The following ZNF649 variants were observed in gnomAD, a reference collection of about 807,000 sequenced individuals.
ZNF649 encodes zinc finger protein 649.
ZNF649 carries 7 observed loss-of-function variants against 14.1 expected under a neutral mutation model. The observed-to-expected ratio is 0.49, with a 90% confidence interval of 0.28 to 0.93. The LOEUF is 0.93. ZNF649 is among the 40% of genes least tolerant of loss of function. The pLI is 0.10. For missense variants in ZNF649, 544 were observed against 608.1 expected, an observed-to-expected ratio of 0.89 and a Z score of 1.11; for synonymous variants, 227 against 212.3, an observed-to-expected ratio of 1.07 and a Z score of -0.60.
chr19:51,895,407 G>A (rs535319986), intron 4 of ZNF649, among the ~76,000 whole-genome samples: 34 of 152,048 alleles, frequency 2.2e-4, no homozygotes, highest in African/African-American at 7.0e-4. Flanking sequence ...GAAATGGCGC[G>A]ATCTCAGCTC....
chr19:51,890,909 T>C lies in ZNF649; in HGVS notation c.1227A>G (p.Lys409=). ...EKPYKCSDCG[K]AFLTKTMLIV... is the part of the protein sequence containing the mutation. The stretch of plus-strand genomic sequence containing the variant: ...TGAGCATTGTCTTTGTAAGGAAGGC[T>C]TTCCCACAGTCACTGCATTTATAGG... The change falls in exon 5 of 5, where the codon AAA becomes AAG. Residue 409 remains lysine (K), a synonymous_variant. Transcript: ENST00000354957. The C allele has an allele frequency of 1.2e-6, 2 of 1,614,216 alleles. No individual in the cohort carries two copies. Among genetic ancestry groups the C allele is most frequent in the South Asian group, 2.2e-5 (2 of 91,078 alleles).
intron 2 of ZNF649, among the ~76,000 whole-genome samples, chr19:51,898,239 A>G (rs1156333706): frequency 1.3e-5 from 2 of 152,140 alleles, no homozygotes; most frequent in African/African-American, 2.4e-5. Context: ...GAGGGTTATC[A>G]TCAGACTCTG....
At chr19:51,902,000 A>C (rs976022439) in intron 1 of ZNF649, among the ~76,000 whole-genome samples, 15 of 151,840 alleles carry the variant, frequency 9.9e-5, no homozygotes, top group Non-Finnish European at 1.9e-4. Flanking sequence ...AATAATAAAA[A>C]TAAAAGAGGC....
At chr19:51,892,291 G>A (rs897506439) in intron 4 of ZNF649, among the ~76,000 whole-genome samples, 14 of 151,468 alleles carry the variant, frequency 9.2e-5, no homozygotes, top group African/African-American at 2.7e-4. Context: ...CAGGAAAATC[G>A]CTTGAACCTG....
In ZNF649 at chr19:51,891,105, TTC is replaced by T; in HGVS notation, c.1029_1030del (p.Lys344ThrfsTer6). On this transcript the variant is annotated frameshift_variant, in exon 5 of 5. Transcript: ENST00000354957. LOFTEE classifies it low-confidence loss of function (END_TRUNC). The surrounding 1 kb of genome is among the most constrained non-coding windows in gnomAD (Gnocchi z 4.2). ...GCCACAGTCAATGCATCCATAAGGT[TTC>T]TCTCCAGTGTGAGTTCGTTGATGTA... 1.2e-6 allele frequency: 2 copies of T among 1,614,194 alleles called. No homozygotes were observed. Among genetic ancestry groups the T allele is most frequent in the Non-Finnish European group, 1.7e-6 (2 of 1,180,032 alleles).
At chr19:51,897,333 G>A (rs1481688282) in intron 2 of ZNF649, 1 of 186,694 alleles carries the variant, frequency 5.4e-6, no homozygotes, top group Non-Finnish European at 1.1e-5. Context: ...CAAAGTCATA[G>A]TAAAATATTC....
chr19:51,896,953 G>A lies in ZNF649; in HGVS notation c.41C>T (p.Ala14Val). The A allele has an allele frequency of 6.2e-7, 1 of 1,614,214 alleles. No homozygotes were observed. The highest frequency in any genetic ancestry group is 8.5e-7 in the Non-Finnish European group (1 of 1,180,040). The change falls in exon 3 of 5, where the codon GCT becomes GTT. Residue 14 changes from alanine (A) to valine (V), a missense_variant. Transcript: ENST00000354957. ...CCACTCCTCCCAGGTGAAGTCCACA[G>A]CCACATCCTCCAGGGTCAGTGATTC... ...AQESLTLEDV[A>V]VDFTWEEWQF...
Position 51,890,151 on chromosome 19 carries a change from C to T in ZNF649, c.*467G>A, listed in dbSNP as rs2085008620. On this transcript the variant is annotated 3_prime_UTR_variant, in exon 5 of 5. Transcript: ENST00000354957. ...GATGGGATTAATGACAGATTAAACA[C>T]TGTGGAAAAAAGATTAGTGAACTGA... 1 of 154,650 alleles carries T rather than the reference C, an allele frequency of 6.5e-6. No homozygotes were observed. Among genetic ancestry groups the T allele is most frequent in the African/African-American group, 2.4e-5 (1 of 41,332 alleles). 9.6% of individuals were successfully genotyped at this position (154,650 alleles called of 1,614,324 possible).
chr19:51,892,921 G>A (rs1195167710), intron 4 of ZNF649, among the ~76,000 whole-genome samples: 1 of 152,064 alleles, frequency 6.6e-6, no homozygotes, highest in Non-Finnish European at 1.5e-5. Flanking sequence ...AGTGTTTTTT[G>A]TTTTGTTTTG....
chr19:51,897,006 G>A (rs774806741), intron 2 of ZNF649, 28 bp from the exon 3 acceptor site: 1 of 1,613,174 alleles, frequency 6.2e-7, no homozygotes, highest in Non-Finnish European at 8.5e-7. Context: ...TGCTTAATAT[G>A]TTTCTCTTTT....
intron 2 of ZNF649, among the ~76,000 whole-genome samples, chr19:51,899,619 C>T (rs541200895): frequency 6.6e-6 from 1 of 152,084 alleles, no homozygotes; most frequent in South Asian, 2.1e-4. Flanking sequence ...GAAACAGTCA[C>T]ACAAAACTTG....
In ZNF649 at chr19:51,890,886, A is replaced by T; in HGVS notation, c.1250T>A (p.Leu417His). 1 of 1,614,220 alleles carries T rather than the reference A, an allele frequency of 6.2e-7. No homozygotes were observed. The highest frequency in any genetic ancestry group is 2.2e-5 in the East Asian group (1 of 44,890). The change falls in exon 5 of 5, where the codon CTC (leucine) becomes CAC (histidine). Residue 417 changes from leucine to histidine, a missense_variant. Coordinates refer to ENST00000354957, the MANE Select transcript of ZNF649 (RefSeq NM_023074.4). ...CGTGTGAGTTCTGTGATGTACAATG[A>T]GCATTGTCTTTGTAAGGAAGGCTTT... ...CGKAFLTKTMLIVHHRTHTGE... is the reference protein window; with the variant it reads ...CGKAFLTKTMHIVHHRTHTGE...
At chr19:51,894,604 A>G (rs1172495608) in intron 4 of ZNF649, among the ~76,000 whole-genome samples, 1 of 152,220 alleles carries the variant, frequency 6.6e-6, no homozygotes, top group African/African-American at 2.4e-5. Context: ...CATTTCTTCT[A>G]AAGTCCTACA....
chr19:51,897,760 A>T (rs1338056652), intron 2 of ZNF649, among the ~76,000 whole-genome samples: 1 of 152,234 alleles, frequency 6.6e-6, no homozygotes, highest in Non-Finnish European at 1.5e-5. Flanking sequence ...TAGGAAAAAA[A>T]GTATACAGAG....
Position 51,891,256 on chromosome 19 carries a change from C to T in ZNF649, c.880G>A (p.Glu294Lys), listed in dbSNP as rs765105999. 88 of 1,614,128 alleles carry T rather than the reference C, an allele frequency of 5.5e-5. No homozygotes were observed. The highest frequency in any genetic ancestry group is 6.7e-5 in the Non-Finnish European group (79 of 1,180,052). ...HTGIKPHQCS[E>K]CGRAFSRKSL... ...TTTCTGGAGAAAGCTCTCCCACATT[C>T]GCTGCATTGATGGGGCTTAATTCCC... The change falls in exon 5 of 5, where the codon GAA becomes AAA. Residue 294 changes from glutamate (E) to lysine (K), a missense_variant. Glu to Lys is a moderately conservative substitution (Grantham distance 56). Transcript: ENST00000354957. This position sits in a 1 kb window ranked among gnomAD's most constrained non-coding sequence, Gnocchi z 4.2.
At position 51,902,705 on chromosome 19, in the gene ZNF649, A is replaced by C. The variant is rs78563255; in HGVS notation, c.-188+2209T>G. Among the ~76,000 whole-genome samples, 902 of 152,340 alleles carry C rather than the reference A, an allele frequency of 5.9e-3. 5 individuals are homozygous for C. Among genetic ancestry groups the C allele is most frequent in the Non-Finnish European group, 9.9e-3 (672 of 68,036 alleles). ...TCATCAGAATTCTCGATTTGGAATC[A>C]TCAGAATTCTCGATTTGGTAAAAAT... On this transcript the variant is annotated intron_variant, in intron 1 of 4. Coordinates refer to ENST00000354957, the MANE Select transcript of ZNF649 (RefSeq NM_023074.4).
chr19:51,891,165 C>T lies in ZNF649; in HGVS notation c.971G>A (p.Gly324Glu). 1.2e-6 allele frequency: 2 copies of T among 1,614,230 alleles called. No homozygotes were observed. Among genetic ancestry groups the T allele is most frequent in the African/African-American group, 1.3e-5 (1 of 75,076 alleles). ...GEKPHTCSEC[G>E]KGFIQKGNLN... ...ATTGCCCTTCTGAATGAAGCCTTTT[C>T]CACATTCACTGCATGTATGAGGCTT... Residue 324 changes from glycine (G) to glutamate (E), a missense_variant, in exon 5 of 5, where the codon GGA becomes GAA. Transcript: ENST00000354957. This position sits in a 1 kb window ranked among gnomAD's most constrained non-coding sequence, Gnocchi z 4.2.
Position 51,890,285 on chromosome 19 carries a change from A to G in ZNF649, c.*333T>C. 1 of 223,212 alleles carries G rather than the reference A, an allele frequency of 4.5e-6. No individual in the cohort carries two copies. The highest frequency in any genetic ancestry group is 8.9e-6 in the Non-Finnish European group (1 of 112,194). 13.8% of individuals were successfully genotyped at this position (223,212 alleles called of 1,614,324 possible). A position where few individuals can be genotyped will look rare whatever the true frequency, so the allele number is the denominator to read the frequency against. ...TGTGTATACACAAAAAGATTTGTGA[A>G]CTTGAACAAGGCAAGAGATACAATC... is the stretch of plus-strand genomic sequence containing the variant. On this transcript the variant is annotated 3_prime_UTR_variant, in exon 5 of 5. Coordinates refer to ENST00000354957, the MANE Select transcript of ZNF649 (RefSeq NM_023074.4).
At chr19:51,893,599 T>G (rs1465784911) in intron 4 of ZNF649, among the ~76,000 whole-genome samples, 1 of 152,204 alleles carries the variant, frequency 6.6e-6, no homozygotes, top group Non-Finnish European at 1.5e-5. Context: ...TTTCAGAACA[T>G]GCAAGCAGAA....
Sources: gnomAD v4.1 joint callset for allele counts (sites outside exome capture counted in the v4.1 genomes callset) on GRCh38, gnomAD v4.1.1 for gene constraint, Gnocchi (gnomAD v3.1) non-coding constraint, MANE v1.5 for transcripts, NCBI Gene and HGNC (gene_info 2026-07-23, HGNC 2026-07-21) for gene names.